The following SCN1A variants were observed in gnomAD, a reference collection of about 807,000 sequenced individuals.
The protein encoded by SCN1A is sodium voltage-gated channel alpha subunit 1, also known as sodium channel protein type 1 subunit alpha.
In SCN1A, 13 loss-of-function variants were observed where a neutral mutation model predicts 193.7. The ratio of observed to expected loss-of-function variants is 0.07; its 90% CI spans 0.04 to 0.11. SCN1A has a LOEUF of 0.11. SCN1A is among the 10% of genes least tolerant of loss of function. The pLI, the probability that SCN1A is intolerant of heterozygous loss-of-function variation, is 1.00. For synonymous variants in SCN1A, 781 were observed against 843.6 expected, an observed-to-expected ratio of 0.93 and a Z score of 1.29; for missense variants, 1,432 against 2,451.1, an observed-to-expected ratio of 0.58 and a Z score of 8.78.
chr2:166,145,515 G>A (rs1692285423), intron 1 of SCN1A, among the ~76,000 whole-genome samples: 1 of 116,166 alleles, frequency 8.6e-6, no homozygotes, highest in African/African-American at 3.7e-5. Flanking sequence ...ATCTTTAACT[G>A]TTGGAGAAAA....
rs1032336956 is a variant in SCN1A, at chr2:166,066,827, A to T, written c.264+6531T>A. 7.2e-5 allele frequency among the ~76,000 whole-genome samples: 11 copies of T among 152,192 alleles called. 1 individual carries two copies. Among genetic ancestry groups the T allele is most frequent in the Admixed American group, 7.2e-4 (11 of 15,268 alleles). ...GATTTTTAACAATGTAAAGTGGACC[A>T]TGTTACTGCTGTACCTAAATACTTG... On this transcript the variant is annotated intron_variant, in intron 4 of 28. Coordinates refer to ENST00000674923, the MANE Select transcript of SCN1A (RefSeq NM_001165963.4).
At chr2:166,093,147 G>A (rs191629306) in intron 2 of SCN1A, among the ~76,000 whole-genome samples, 1 of 151,726 alleles carries the variant, frequency 6.6e-6, no homozygotes, top group East Asian at 1.9e-4. Flanking sequence ...TTGAGGATGA[G>A]GAAGCTATGT....
At chr2:166,027,558 CG>C (rs1158606108) in intron 19 of SCN1A, among the ~76,000 whole-genome samples, 1 of 150,890 alleles carries the variant, frequency 6.6e-6, no homozygotes, top group Non-Finnish European at 1.5e-5. Flanking sequence ...TGTGGTCATG[CG>C]ATGTCTATAT....
At chr2:166,088,056 TTGTGTGTGTGTGTGTGTG>T (rs10525602) in intron 2 of SCN1A, among the ~76,000 whole-genome samples, 1 of 146,742 alleles carries the variant, frequency 6.8e-6, no homozygotes, top group African/African-American at 2.5e-5. Context: ...ATCTGTGTGT[TTGTGTGTGTGTGTGTGTG>T]TGTGTGTGTG....
At chr2:166,078,394 G>T (rs771227937) in intron 2 of SCN1A, among the ~76,000 whole-genome samples, 4 of 146,706 alleles carry the variant, frequency 2.7e-5, no homozygotes, top group Non-Finnish European at 5.9e-5. Context: ...TTCTTCCATT[G>T]TATTTTTTCT....
In SCN1A at chr2:166,037,638, C is replaced by T. The variant is rs902457820; in HGVS notation, c.2946+138G>A. The stretch of plus-strand genomic sequence containing the variant: ...TTGTTTTTCTTTTTGACAAAACAGT[C>T]ACCATTAAATTATACTCTTTTTTTT... On this transcript the variant is annotated intron_variant, in intron 18 of 28. Coordinates refer to ENST00000674923, the MANE Select transcript of SCN1A (RefSeq NM_001165963.4). 1,165 of 788,748 alleles carry T rather than the reference C, an allele frequency of 1.5e-3. 12 individuals are homozygous for T. The highest frequency in any genetic ancestry group is 3.2e-4 in the Non-Finnish European group (153 of 483,232). The allele number at this position is 788,748 out of a possible 1,614,324, so 48.9% of individuals were successfully genotyped here.
intron 5 of SCN1A, 85 bp downstream of exon 5, chr2:166,058,485 T>C: frequency 1.3e-6 from 1 of 785,836 alleles, no homozygotes; most frequent in Non-Finnish European, 2.2e-6. Flanking sequence ...AATATGGACA[T>C]TTCCCAACTT....
At position 165,987,552 on chromosome 2, in the gene SCN1A, T is replaced by G. The variant is rs182266621; in HGVS notation, c.*3693A>C. The G allele has an allele frequency of 2.6e-5, 4 of 152,286 alleles. No homozygotes were observed. The highest frequency in any genetic ancestry group is 7.2e-5 in the African/African-American group (3 of 41,576). The allele number at this position is 152,286 out of a possible 1,614,324, so 9.4% of individuals were successfully genotyped here. On this transcript the variant is annotated 3_prime_UTR_variant, in exon 29 of 29. Transcript: ENST00000674923. ...TCAACTGCAAGAAACAGATTTGTAC[T>G]TTTCCTTATTTACTTACATCAGTAT... is the stretch of plus-strand genomic sequence containing the variant.
intron 19 of SCN1A, among the ~76,000 whole-genome samples, chr2:166,030,518 A>G (rs1695422503): frequency 6.6e-6 from 1 of 151,998 alleles, no homozygotes; most frequent in African/African-American, 2.4e-5. Context: ...AAAAGGTACA[A>G]CTTTAATAAC....
intron 2 of SCN1A, among the ~76,000 whole-genome samples, chr2:166,117,374 A>G (rs1225648067): frequency 6.6e-6 from 1 of 152,218 alleles, no homozygotes; most frequent in Non-Finnish European, 1.5e-5. Context: ...AATGGTATAG[A>G]TTAAATAAAA....
chr2:166,000,574 C>A (rs575574397), intron 24 of SCN1A, among the ~76,000 whole-genome samples: 2 of 151,798 alleles, frequency 1.3e-5, no homozygotes, highest in African/African-American at 4.8e-5. Flanking sequence ...AAGCCTTTAG[C>A]GTCTGTATCA....
rs1305983184 is a variant in SCN1A at position 166,002,771 on chromosome 2, A to G, written c.4003-18T>C. 1 of 1,594,956 alleles carries G rather than the reference A, an allele frequency of 6.3e-7. No homozygotes were observed. The highest frequency in any genetic ancestry group is 8.5e-7 in the Non-Finnish European group (1 of 1,173,186). ...ACAACCACCTAATACACAAATGGAAAAAAAGAAAAGTCAGAATTCTTATCT... is the reference window on the plus strand; with the variant it reads ...ACAACCACCTAATACACAAATGGAAGAAAAGAAAAGTCAGAATTCTTATCT... On this transcript the variant is annotated intron_variant, in intron 23 of 28. Transcript: ENST00000674923.
intron 1 of SCN1A, among the ~76,000 whole-genome samples, chr2:166,144,498 A>C (rs1558918234): frequency 6.6e-6 from 1 of 152,234 alleles, no homozygotes; most frequent in Non-Finnish European, 1.5e-5. Flanking sequence ...ATGATGTATT[A>C]AAATCATTCT....
At chr2:166,141,099 G>T (rs1692062367) in intron 1 of SCN1A, among the ~76,000 whole-genome samples, 1 of 151,974 alleles carries the variant, frequency 6.6e-6, no homozygotes, top group African/African-American at 2.4e-5. Flanking sequence ...ATGTAAATCA[G>T]CCATTCTGCC....
At chr2:166,074,930 A>C (rs1684843460) in intron 3 of SCN1A, among the ~76,000 whole-genome samples, 2 of 152,140 alleles carry the variant, frequency 1.3e-5, no homozygotes, top group Non-Finnish European at 2.9e-5. Flanking sequence ...TCAAGTTTAA[A>C]TTTGTACCCT....
intron 23 of SCN1A, chr2:166,009,510 C>T (rs1692121860): frequency 2.8e-6 from 1 of 361,724 alleles, no homozygotes; most frequent in African/African-American, 2.1e-5. Flanking sequence ...TAAATAAGCA[C>T]AGCAGATAAA....
intron 2 of SCN1A, among the ~76,000 whole-genome samples, chr2:166,108,907 A>C (rs1688992433): frequency 6.6e-6 from 1 of 152,160 alleles, no homozygotes; most frequent in Non-Finnish European, 1.5e-5. Flanking sequence ...TAAATATACA[A>C]AAAAGCACTG....
chr2:166,051,185 G>A (rs1290535033), intron 9 of SCN1A, among the ~76,000 whole-genome samples: 1 of 151,982 alleles, frequency 6.6e-6, no homozygotes, highest in Non-Finnish European at 1.5e-5. Context: ...ATAGAAAGTG[G>A]CATTTAGGAG....
At chr2:166,067,795 T>A (rs1684008082) in intron 4 of SCN1A, among the ~76,000 whole-genome samples, 1 of 149,996 alleles carries the variant, frequency 6.7e-6, no homozygotes, top group Non-Finnish European at 1.5e-5. Context: ...TCTTCCCATG[T>A]GGCTTGGTGG....
Sources: gnomAD v4.1 joint callset for allele counts (sites outside exome capture counted in the v4.1 genomes callset) on GRCh38, gnomAD v4.1.1 for gene constraint, MANE v1.5 for transcripts, NCBI Gene and HGNC (gene_info 2026-07-23, HGNC 2026-07-21) for gene names.